Variants in OSBP2 observed in about 807,000 individuals in gnomAD.
OSBP2 encodes oxysterol-binding protein 2.
Under a neutral mutation model 96.0 loss-of-function variants are expected in OSBP2, and 66 were observed. The ratio of observed to expected loss-of-function variants is 0.69; its 90% CI spans 0.56 to 0.84. The LOEUF is 0.84. OSBP2 is among the 40% of genes least tolerant of loss of function. OSBP2 has a pLI of 0.00. For missense variants in OSBP2, 1,038 were observed against 1,222.7 expected (o/e 0.85, Z 2.25); for synonymous variants, 525 against 520.9 (o/e 1.01, Z -0.11).
At chr22:30,850,855 G>C (rs2038966564) in intron 2 of OSBP2, among the ~76,000 whole-genome samples, 1 of 152,060 alleles carries the variant, frequency 6.6e-6, no homozygotes, top group Non-Finnish European at 1.5e-5. Context: ...AAGTCTCCTG[G>C]GTTACTGAAT....
chr22:30,699,168 C>T (rs988112072), intron 1 of OSBP2, among the ~76,000 whole-genome samples: 1 of 151,994 alleles, frequency 6.6e-6, no homozygotes, highest in African/African-American at 2.4e-5. Context: ...TGGTCTCAAA[C>T]TCCTGGCCTC....
intron 1 of OSBP2, among the ~76,000 whole-genome samples, chr22:30,736,853 G>A (rs1414527433): frequency 6.6e-6 from 1 of 152,012 alleles, no homozygotes; most frequent in South Asian, 2.1e-4. Flanking sequence ...TTTTGTTTAG[G>A]AATATCTGTC....
chr22:30,862,800 C>T (rs1360498709), intron 2 of OSBP2, among the ~76,000 whole-genome samples: 3 of 151,550 alleles, frequency 2.0e-5, no homozygotes, highest in Non-Finnish European at 4.4e-5. Flanking sequence ...AGTGAAACCC[C>T]GTCTCTACTA....
At chr22:30,847,186 C>T (rs1338963944) in intron 2 of OSBP2, among the ~76,000 whole-genome samples, 2 of 152,066 alleles carry the variant, frequency 1.3e-5, no homozygotes, top group Non-Finnish European at 2.9e-5. Context: ...CTTTGTTGGC[C>T]AGGCTGGTCT....
At chr22:30,743,357 G>A (rs537965969) in intron 2 of OSBP2, among the ~76,000 whole-genome samples, 1 of 152,318 alleles carries the variant, frequency 6.6e-6, no homozygotes, top group South Asian at 2.1e-4. Flanking sequence ...CACTCATTTG[G>A]AGCATGGGTC....
intron 2 of OSBP2, among the ~76,000 whole-genome samples, chr22:30,847,693 T>G (rs563988649): frequency 1.2e-4 from 18 of 152,310 alleles, no homozygotes; most frequent in Non-Finnish European, 5.9e-5. Flanking sequence ...TCAGGTTTTT[T>G]TTATGAGTGA....
chr22:30,712,658 A>G (rs1455290972), intron 1 of OSBP2, among the ~76,000 whole-genome samples: 2 of 152,136 alleles, frequency 1.3e-5, no homozygotes, highest in South Asian at 2.1e-4. Context: ...GATCACCCTC[A>G]TTTTACAGAT....
chr22:30,880,764 C>T (rs557323040), intron 3 of OSBP2, among the ~76,000 whole-genome samples: 14 of 152,308 alleles, frequency 9.2e-5, no homozygotes, highest in Non-Finnish European at 1.6e-4. Context: ...ACAGCAAAAG[C>T]GATTAGAGTT....
intron 2 of OSBP2, among the ~76,000 whole-genome samples, chr22:30,847,182 T>G (rs1283723915): frequency 2.6e-5 from 4 of 152,054 alleles, no homozygotes; most frequent in Non-Finnish European, 4.4e-5. Flanking sequence ...TTCACTTTGT[T>G]GGCCAGGCTG....
chr22:30,879,967 G>A (rs901568214), intron 3 of OSBP2, among the ~76,000 whole-genome samples: 3 of 152,090 alleles, frequency 2.0e-5, no homozygotes, highest in Non-Finnish European at 4.4e-5. Context: ...CACGAGAATC[G>A]CTTGAGCCTG....
chr22:30,793,076 AGCTAAAAGG>A, intron 2 of OSBP2, among the ~76,000 whole-genome samples: 1 of 152,360 alleles, frequency 6.6e-6, no homozygotes, highest in Non-Finnish European at 1.5e-5. Flanking sequence ...ATTGTAGTTC[AGCTAAAAGG>A]TTGACTTGAA....
At chr22:30,694,831 T>C (rs1237074685), upstream of OSBP2, 2 of 599,138 alleles carry the variant, frequency 3.3e-6, no homozygotes, top group Non-Finnish European at 4.3e-6. Flanking sequence ...CGCGCGCACG[T>C]GACTGCGCCC....
intron 2 of OSBP2, among the ~76,000 whole-genome samples, chr22:30,829,374 C>T (rs973603777): frequency 6.6e-6 from 1 of 152,184 alleles, no homozygotes; most frequent in Non-Finnish European, 1.5e-5. Flanking sequence ...CTCACTGCAA[C>T]CTCTGCCTCC....
chr22:30,730,790 A>C lies in OSBP2; in HGVS notation c.645-10371A>C, dbSNP rs1569100507. 1.2e-4 allele frequency among the ~76,000 whole-genome samples: 6 copies of C among 48,256 alleles called. No individual in the cohort carries two copies. The East Asian group carries it at 1.8e-3, about 15-fold the overall frequency. The allele number at this position is 48,256 out of a possible 152,430, so 31.7% of individuals were successfully genotyped here. ...TCTCTCTCTCTATATATATATATAT[A>C]TATATATATATATATATAATTTTTT... On this transcript the variant is annotated intron_variant, in intron 1 of 13. Coordinates refer to ENST00000332585, the MANE Select transcript of OSBP2 (RefSeq NM_030758.4).
chr22:30,897,373 C>T (rs972611349), intron 12 of OSBP2, among the ~76,000 whole-genome samples: 61 of 152,270 alleles, frequency 4.0e-4, no homozygotes, highest in African/African-American at 1.5e-3. Flanking sequence ...TATGCTATTA[C>T]CGACTCATGG....
chr22:30,746,835 G>A (rs1241335489), intron 2 of OSBP2, among the ~76,000 whole-genome samples: 5 of 152,052 alleles, frequency 3.3e-5, no homozygotes, highest in Non-Finnish European at 2.9e-5. Flanking sequence ...GGCCAGCCCT[G>A]ATACCTAAGC....
intron 2 of OSBP2, among the ~76,000 whole-genome samples, chr22:30,783,142 G>A (rs2090542687): frequency 7.0e-6 from 1 of 142,468 alleles, no homozygotes; most frequent in Admixed American, 7.1e-5. Flanking sequence ...CAATTGCCCA[G>A]GAACCTGTGT....
intron 2 of OSBP2, among the ~76,000 whole-genome samples, chr22:30,786,102 C>A (rs1479536209): frequency 1.3e-5 from 2 of 152,028 alleles, no homozygotes; most frequent in African/African-American, 4.8e-5. Flanking sequence ...CGGCTCACTG[C>A]AACCTCCACC....
At chr22:30,708,651 G>A (rs1198025631) in intron 1 of OSBP2, among the ~76,000 whole-genome samples, 2 of 150,706 alleles carry the variant, frequency 1.3e-5, no homozygotes, top group Non-Finnish European at 3.0e-5. Flanking sequence ...ATCATGCCCG[G>A]CTAAGTTTTT....
Sources: allele counts gnomAD v4.1 joint callset (sites outside exome capture counted in the v4.1 genomes callset), GRCh38; gene constraint gnomAD v4.1.1; transcripts MANE v1.5; gene names NCBI Gene and HGNC (gene_info 2026-07-23, HGNC 2026-07-21).